TMEM278: variants seen among roughly 807,000 people sequenced by gnomAD.
TMEM278 encodes the protein transmembrane protein 88B.
chr1:1,428,087 G>C, the TMEM278 span, among the ~76,000 whole-genome samples: 2 of 6,890 alleles, frequency 2.9e-4, no homozygotes, highest in African/African-American at 9.0e-4. Flanking sequence ...GAAGAGAGGG[G>C]AGGGGAGGGG....
chr1:1,429,878 T>C, the TMEM278 span, among the ~76,000 whole-genome samples: 3 of 152,222 alleles, frequency 2.0e-5, no homozygotes, highest in African/African-American at 7.2e-5. Context: ...TTTGTTTACT[T>C]AGAGACAGAG....
the TMEM278 span, chr1:1,427,743 C>A: frequency 4.4e-3 from 5,713 of 1,305,892 alleles, 288 homozygotes; most frequent in Admixed American, 0.11. Flanking sequence ...CCGCCGCCCC[C>A]CGGGGCGCCC....
chr1:1,428,005 AGGGGAGGGGGAG>A, the TMEM278 span, among the ~76,000 whole-genome samples: 1 of 115,926 alleles, frequency 8.6e-6, no homozygotes, highest in Non-Finnish European at 1.8e-5. Flanking sequence ...AAGAGAGGGG[AGGGGAGGGGGAG>A]AGAGGGGAGG....
chr1:1,425,995 G>A, the TMEM278 span: 3 of 1,251,078 alleles, frequency 2.4e-6, no homozygotes, highest in Non-Finnish European at 3.0e-6. Flanking sequence ...TCCCTAGCCA[G>A]GGTCCACGGT....
At chr1:1,427,278 C>T in the TMEM278 span, among the ~76,000 whole-genome samples, 4 of 137,908 alleles carry the variant, frequency 2.9e-5, no homozygotes, top group East Asian at 4.3e-4. Context: ...CCTCACCGTC[C>T]GGCCCTCACC....
At chr1:1,427,716 G>T in the TMEM278 span, 2 of 1,318,712 alleles carry the variant, frequency 1.5e-6, no homozygotes, top group Non-Finnish European at 1.9e-6. Context: ...GCCTCCGCCC[G>T]CTGGGACCCC....
chr1:1,428,783 C>G, the TMEM278 span, among the ~76,000 whole-genome samples: 3 of 152,100 alleles, frequency 2.0e-5, no homozygotes, highest in African/African-American at 7.2e-5. Context: ...GGCGGATCAC[C>G]AGCTCAGGAG....
At chr1:1,428,289 G>C in the TMEM278 span, among the ~76,000 whole-genome samples, 1 of 151,736 alleles carries the variant, frequency 6.6e-6, no homozygotes, top group African/African-American at 2.4e-5. Context: ...CCCAGGTCCC[G>C]GCCTCCATCG....
chr1:1,426,878 G>C, the TMEM278 span, among the ~76,000 whole-genome samples: 1 of 151,950 alleles, frequency 6.6e-6, no homozygotes, highest in Non-Finnish European at 1.5e-5. Flanking sequence ...GGGCGCAGGA[G>C]GGCAGAAGCG....
chr1:1,427,622 G>A, the TMEM278 span: 1 of 1,332,500 alleles, frequency 7.5e-7, no homozygotes, highest in Non-Finnish European at 9.6e-7. Flanking sequence ...CGCTCATCGT[G>A]TTCGGGCTTC....
chr1:1,426,934 G>A, the TMEM278 span, among the ~76,000 whole-genome samples: 3 of 151,738 alleles, frequency 2.0e-5, no homozygotes, highest in Non-Finnish European at 4.4e-5. Context: ...CCCCTCAAGG[G>A]ACCCTGCTCA....
At chr1:1,429,936 C>G in the TMEM278 span, among the ~76,000 whole-genome samples, 38 of 152,276 alleles carry the variant, frequency 2.5e-4, no homozygotes, top group Non-Finnish European at 5.1e-4. Context: ...TCCTAGCTCT[C>G]TGCAGCCTCG....
chr1:1,425,899 G>A, the TMEM278 span, among the ~76,000 whole-genome samples: 13 of 152,206 alleles, frequency 8.5e-5, no homozygotes, highest in African/African-American at 2.9e-4. Flanking sequence ...TGGGGCTGGA[G>A]ACTGGCGCTG....
the TMEM278 span, among the ~76,000 whole-genome samples, chr1:1,430,200 A>G: frequency 6.6e-6 from 1 of 152,110 alleles, no homozygotes; most frequent in Non-Finnish European, 1.5e-5. Context: ...ACTCGGAGAT[A>G]TTTACTTTCT....
chr1:1,427,201 C>G, the TMEM278 span, among the ~76,000 whole-genome samples: 2 of 147,152 alleles, frequency 1.4e-5, no homozygotes, highest in Admixed American at 1.3e-4. Context: ...TTGCCGTGGC[C>G]CTGCATCCTT....
the TMEM278 span, chr1:1,427,544 C>T: frequency 6.0e-5 from 65 of 1,086,114 alleles, 1 homozygote; most frequent in African/African-American, 8.7e-4. Flanking sequence ...ACGGCCCGCC[C>T]GGCCCCCAGG....
the TMEM278 span, among the ~76,000 whole-genome samples, chr1:1,428,504 G>A: frequency 3.3e-5 from 5 of 152,020 alleles, no homozygotes; most frequent in African/African-American, 9.7e-5. Flanking sequence ...CGTCCTAGCT[G>A]TGCCGAGCTC....
At chr1:1,427,594 C>G in the TMEM278 span, 1 of 1,271,962 alleles carries the variant, frequency 7.9e-7, no homozygotes. Context: ...GCGCTGTTCT[C>G]AGACCGCGGC....
At chr1:1,427,868 G>C in the TMEM278 span, 1 of 1,252,602 alleles carries the variant, frequency 8.0e-7, no homozygotes, top group Non-Finnish European at 1.0e-6. Flanking sequence ...GAAAACTGAG[G>C]GTCGCCCCCG....
Sources: allele counts gnomAD v4.1 joint callset (sites outside exome capture counted in the v4.1 genomes callset), GRCh38; gene constraint gnomAD v4.1.1; transcripts MANE v1.5; gene names NCBI Gene and HGNC (gene_info 2026-07-23, HGNC 2026-07-21).